EEFSEC: variants seen among roughly 807,000 people sequenced by gnomAD.
EEFSEC encodes selenocysteine-specific elongation factor.
Under a neutral mutation model 42.1 loss-of-function variants are expected in EEFSEC, and 43 were observed. That is an observed-to-expected ratio of 1.02 (90% CI 0.80 to 1.32). The LOEUF is 1.32. Among genes scored for constraint, EEFSEC ranks in the 40% most tolerant of loss-of-function variants. The probability of loss-of-function intolerance (pLI) is 0.00; values close to 1 mark genes in which losing one functional copy is unlikely to be tolerated. For synonymous variants in EEFSEC, 354 were observed against 339.1 expected, an observed-to-expected ratio of 1.04 and a Z score of -0.48; for missense variants, 745 against 803.6, an observed-to-expected ratio of 0.93 and a Z score of 0.88.
At chr3:128,326,270 C>G (rs2067062475) in intron 4 of EEFSEC, among the ~76,000 whole-genome samples, 1 of 152,252 alleles carries the variant, frequency 6.6e-6, no homozygotes, top group East Asian at 1.9e-4. Flanking sequence ...CTCCTGCTCT[C>G]TGGCTGCTGG....
intron 4 of EEFSEC, among the ~76,000 whole-genome samples, chr3:128,282,625 GGGGGACTGGGGAAGCTGCCCATTTCACC>G (rs2066539676): frequency 6.6e-6 from 1 of 152,174 alleles, no homozygotes; most frequent in African/African-American, 2.4e-5. Flanking sequence ...AGCTTAGGAA[GGGGGACTGGGGAAGCTGCCCATTTCACC>G]GGGGACTTGG....
At chr3:128,360,175 G>A (rs1453720722) in intron 6 of EEFSEC, among the ~76,000 whole-genome samples, 1 of 152,218 alleles carries the variant, frequency 6.6e-6, no homozygotes, top group African/African-American at 2.4e-5. Context: ...CTCCATAGTG[G>A]CTCTGAGTCC....
chr3:128,375,603 G>T lies in EEFSEC; in HGVS notation c.1600+17230G>T, dbSNP rs183955155. On this transcript the variant is annotated intron_variant, in intron 6 of 6. Transcript: ENST00000254730. ...TTTCCTTCATTCTGCCACTTGCGCT[G>T]GGTGCTCTGGCCTCAGCTCAGATGC... Among the ~76,000 whole-genome samples, 24 of 152,268 alleles carry T rather than the reference G, an allele frequency of 1.6e-4. No homozygotes were observed. In the East Asian group the frequency reaches 3.5e-3, roughly 22 times the overall value.
downstream of EEFSEC, among the ~76,000 whole-genome samples, chr3:128,408,996 C>T (rs1017247151): frequency 3.9e-5 from 6 of 152,132 alleles, no homozygotes; most frequent in Non-Finnish European, 8.8e-5. Context: ...CCCTCAGCCC[C>T]TGCCCTCAAG....
chr3:128,234,720 A>G (rs921256928), intron 1 of EEFSEC, among the ~76,000 whole-genome samples: 2 of 152,222 alleles, frequency 1.3e-5, no homozygotes, highest in Non-Finnish European at 2.9e-5. Flanking sequence ...CCTCTTGACA[A>G]GTTTCCTAAT....
chr3:128,154,027 C>G (rs1576500647), intron 1 of EEFSEC: 1 of 598,762 alleles, frequency 1.7e-6, no homozygotes, highest in Non-Finnish European at 2.6e-6. Context: ...CTTTTCCCAT[C>G]CAGCAGAACC....
intron 6 of EEFSEC, among the ~76,000 whole-genome samples, chr3:128,392,646 G>A (rs1294219189): frequency 1.3e-5 from 2 of 152,230 alleles, no homozygotes; most frequent in Non-Finnish European, 2.9e-5. Context: ...AGCCAAACAA[G>A]TGACAGGAGG....
At chr3:128,298,153 C>T (rs1309795091) in intron 4 of EEFSEC, among the ~76,000 whole-genome samples, 3 of 152,222 alleles carry the variant, frequency 2.0e-5, no homozygotes, top group African/African-American at 7.2e-5. Flanking sequence ...CAGTCTATGA[C>T]ACCACTGTTT....
At chr3:128,396,045 C>T (rs60779841) in intron 6 of EEFSEC, among the ~76,000 whole-genome samples, 2,876 of 152,332 alleles carry the variant, frequency 0.019, 96 homozygotes, top group African/African-American at 0.064. Flanking sequence ...GGTGTCAAGG[C>T]CTGCCTTCAG....
intron 6 of EEFSEC, among the ~76,000 whole-genome samples, chr3:128,402,001 C>T (rs574899888): frequency 2.6e-5 from 4 of 152,338 alleles, no homozygotes; most frequent in East Asian, 1.9e-4. Flanking sequence ...CTCCCCTCCC[C>T]GGCTCCTGTG....
At chr3:128,384,856 C>G (rs2067819955) in intron 6 of EEFSEC, among the ~76,000 whole-genome samples, 1 of 152,194 alleles carries the variant, frequency 6.6e-6, no homozygotes. Flanking sequence ...GAGGAAATTA[C>G]TGAGGGCCAA....
At chr3:128,290,278 T>C (rs1202404685) in intron 4 of EEFSEC, among the ~76,000 whole-genome samples, 2 of 152,120 alleles carry the variant, frequency 1.3e-5, no homozygotes, top group Non-Finnish European at 2.9e-5. Context: ...GAAGAAAGGA[T>C]TGAAGGTTTT....
intron 4 of EEFSEC, among the ~76,000 whole-genome samples, chr3:128,268,004 T>A (rs1197891856): frequency 6.6e-6 from 1 of 152,068 alleles, no homozygotes; most frequent in African/African-American, 2.4e-5. Context: ...ATAGAACAAC[T>A]CAGCTACAAA....
intron 1 of EEFSEC, among the ~76,000 whole-genome samples, chr3:128,207,211 T>TTC (rs2065706478): frequency 6.6e-6 from 1 of 150,426 alleles, no homozygotes; most frequent in South Asian, 2.1e-4. Context: ...CCCTTCTTCC[T>TTC]TCTCTCTCTT....
chr3:128,253,563 C>T (rs2066210929), intron 2 of EEFSEC, among the ~76,000 whole-genome samples: 1 of 152,162 alleles, frequency 6.6e-6, no homozygotes, highest in African/African-American at 2.4e-5. Flanking sequence ...TCTTTTCCTG[C>T]CTTTCCCATT....
At chr3:128,331,579 A>G (rs1164816414) in intron 4 of EEFSEC, among the ~76,000 whole-genome samples, 1 of 150,798 alleles carries the variant, frequency 6.6e-6, no homozygotes, top group Non-Finnish European at 1.5e-5. Flanking sequence ...TCCCCTTCCT[A>G]AAGAGTTGTG....
At chr3:128,346,189 A>G (rs2067310808) in intron 5 of EEFSEC, among the ~76,000 whole-genome samples, 1 of 152,218 alleles carries the variant, frequency 6.6e-6, no homozygotes. Flanking sequence ...ACTATGGCCC[A>G]TGGGCCAAAC....
intron 1 of EEFSEC, among the ~76,000 whole-genome samples, chr3:128,209,633 A>G (rs1040280594): frequency 2.0e-5 from 3 of 152,244 alleles, no homozygotes; most frequent in African/African-American, 7.2e-5. Flanking sequence ...ATTTTGCATC[A>G]CTAAGGCAAG....
chr3:128,420,588 C>T, the EEFSEC span, among the ~76,000 whole-genome samples: 1 of 152,222 alleles, frequency 6.6e-6, no homozygotes, highest in Non-Finnish European at 1.5e-5. Context: ...CCACCTTTGA[C>T]GAGCCCTCCA....
Sources: gnomAD v4.1 joint callset for allele counts (sites outside exome capture counted in the v4.1 genomes callset) on GRCh38, gnomAD v4.1.1 for gene constraint, MANE v1.5 for transcripts, NCBI Gene and HGNC (gene_info 2026-07-23, HGNC 2026-07-21) for gene names.